TENM4: variants seen among roughly 807,000 people sequenced by gnomAD.
The protein encoded by TENM4 is teneurin-4.
A neutral mutation model predicts 243.3 loss-of-function variants in TENM4; 82 were observed. The ratio of observed to expected loss-of-function variants is 0.34; its 90% CI spans 0.28 to 0.40. The LOEUF is 0.40. TENM4 is among the 10% of genes least tolerant of loss of function. The pLI is 1.00. For missense variants in TENM4, 3,138 were observed against 3,673.3 expected, an observed-to-expected ratio of 0.85 and a Z score of 3.77; for synonymous variants, 1,412 against 1,456.3, an observed-to-expected ratio of 0.97 and a Z score of 0.69.
At chr11:78,975,683 A>G (rs2136598539) in intron 6 of TENM4, among the ~76,000 whole-genome samples, 1 of 152,012 alleles carries the variant, frequency 6.6e-6, no homozygotes, top group East Asian at 1.9e-4. Flanking sequence ...CCAGGCCTCA[A>G]GATGGAGTAA....
chr11:79,316,062 A>G (rs1324106027), intron 1 of TENM4, among the ~76,000 whole-genome samples: 2 of 152,204 alleles, frequency 1.3e-5, no homozygotes, highest in Non-Finnish European at 2.9e-5. Context: ...TAGGAATTGC[A>G]TTTTCAACAA....
intron 3 of TENM4, among the ~76,000 whole-genome samples, chr11:79,152,803 G>C (rs1411832392): frequency 6.6e-6 from 1 of 152,158 alleles, no homozygotes; most frequent in African/African-American, 2.4e-5. Context: ...CTCCCAAAAT[G>C]GTCAATGTTC....
chr11:79,315,679 C>G (rs1856791557), intron 1 of TENM4, among the ~76,000 whole-genome samples: 1 of 152,168 alleles, frequency 6.6e-6, no homozygotes, highest in African/African-American at 2.4e-5. Flanking sequence ...TTGTCAGCAT[C>G]CCAAGGTGAT....
intron 3 of TENM4, among the ~76,000 whole-genome samples, chr11:79,165,894 G>T (rs1033675659): frequency 2.6e-5 from 4 of 152,220 alleles, no homozygotes; most frequent in African/African-American, 7.2e-5. Flanking sequence ...GTTGAATAGG[G>T]TGTCCTTTCC....
Position 78,657,844 on chromosome 11 carries a change from A to G in TENM4, c.*214T>C, listed in dbSNP as rs1387066751. The G allele has an allele frequency of 8.9e-6, 6 of 676,046 alleles. No individual in the cohort carries two copies. The highest frequency in any genetic ancestry group is 1.8e-5 in the African/African-American group (1 of 55,356). 41.9% of individuals were successfully genotyped at this position (676,046 alleles called of 1,614,324 possible). A position where few individuals can be genotyped will look rare whatever the true frequency, so the allele number is the denominator to read the frequency against. ...AGTTTTCATTGTGATCACACTACAG[A>G]AAAAAATACCTTCTGTTCTTTGCAA... On this transcript the variant is annotated 3_prime_UTR_variant, in exon 34 of 34. Transcript: ENST00000278550.
At chr11:79,187,606 A>G (rs1477421525) in intron 3 of TENM4, among the ~76,000 whole-genome samples, 1 of 152,224 alleles carries the variant, frequency 6.6e-6, no homozygotes, top group Non-Finnish European at 1.5e-5. Flanking sequence ...TTATGAGATG[A>G]ATGGTGCCTC....
intron 17 of TENM4, among the ~76,000 whole-genome samples, chr11:78,775,479 G>A (rs1326763831): frequency 1.3e-5 from 2 of 152,204 alleles, no homozygotes; most frequent in East Asian, 3.9e-4. Context: ...TCTTCAAATG[G>A]ACCAAGTGAT....
intron 6 of TENM4, among the ~76,000 whole-genome samples, chr11:79,035,243 C>T (rs1204145064): frequency 1.3e-5 from 2 of 152,212 alleles, no homozygotes; most frequent in Non-Finnish European, 2.9e-5. Context: ...CCATGGTGCT[C>T]ATCTTGCAGA....
chr11:79,237,214 C>T lies in TENM4; in HGVS notation c.-264-21305G>A, dbSNP rs1030265958. On this transcript the variant is annotated intron_variant, in intron 2 of 33. Coordinates refer to ENST00000278550, the MANE Select transcript of TENM4 (RefSeq NM_001098816.3). ...TTTATGTCTTTATCTCCCCTATGCC[C>T]CAAACATACATTGCGCCTTAAAGAC... is the stretch of plus-strand genomic sequence containing the variant. 3.9e-5 allele frequency among the ~76,000 whole-genome samples: 6 copies of T among 152,154 alleles called. No individual in the cohort carries two copies. The East Asian group carries it at 1.2e-3, about 29-fold the overall frequency.
intron 6 of TENM4, among the ~76,000 whole-genome samples, chr11:78,997,329 A>G (rs747931502): frequency 1.3e-5 from 2 of 152,218 alleles, no homozygotes; most frequent in Non-Finnish European, 2.9e-5. Flanking sequence ...TCCAAAGTTT[A>G]CATATGTCCT....
At chr11:79,257,909 G>A (rs1855726370) in intron 2 of TENM4, among the ~76,000 whole-genome samples, 1 of 152,210 alleles carries the variant, frequency 6.6e-6, no homozygotes, top group Non-Finnish European at 1.5e-5. Context: ...CAAAAGACTT[G>A]TCACGTGAGA....
At chr11:79,008,701 T>C (rs1858557484) in intron 6 of TENM4, among the ~76,000 whole-genome samples, 1 of 152,186 alleles carries the variant, frequency 6.6e-6, no homozygotes, top group African/African-American at 2.4e-5. Flanking sequence ...TGATTATAAA[T>C]AATGACATCA....
intron 3 of TENM4, among the ~76,000 whole-genome samples, chr11:79,164,492 T>TAC (rs1862860017): frequency 1.4e-5 from 2 of 141,542 alleles, no homozygotes; most frequent in East Asian, 4.1e-4. Flanking sequence ...TGTATACATA[T>TAC]AGTGTATATA....
chr11:79,404,901 A>T (rs1858535593), intron 1 of TENM4, among the ~76,000 whole-genome samples: 2 of 152,158 alleles, frequency 1.3e-5, no homozygotes, highest in African/African-American at 4.8e-5. Context: ...AAAATAGTAG[A>T]CAAAGAGGAC....
intron 9 of TENM4, among the ~76,000 whole-genome samples, chr11:78,884,180 G>C (rs902457580): frequency 6.6e-6 from 1 of 152,200 alleles, no homozygotes; most frequent in African/African-American, 2.4e-5. Context: ...CTGAGGCAGA[G>C]AGAGGTTGTG....
At chr11:79,021,890 AT>A (rs1281536338) in intron 6 of TENM4, 1 of 152,244 alleles carries the variant, frequency 6.6e-6, no homozygotes, top group African/African-American at 2.4e-5. Context: ...TAAAGTACAA[AT>A]CACCTTCAGA....
intron 2 of TENM4, among the ~76,000 whole-genome samples, chr11:79,250,146 C>T (rs940565720): frequency 2.0e-5 from 3 of 152,066 alleles, no homozygotes; most frequent in African/African-American, 4.8e-5. Flanking sequence ...CCACCATGCC[C>T]GGCTGATTTT....
chr11:79,051,395 T>A (rs185277693), intron 6 of TENM4, among the ~76,000 whole-genome samples: 5 of 152,208 alleles, frequency 3.3e-5, no homozygotes, highest in African/African-American at 1.2e-4. Context: ...CTCCAGAGTA[T>A]GTGCTTATAA....
intron 29 of TENM4, 36 bp downstream of exon 29, chr11:78,688,017 CT>C: frequency 6.2e-7 from 1 of 1,607,030 alleles, no homozygotes; most frequent in Non-Finnish European, 8.5e-7. Context: ...CTTCCCACCC[CT>C]CTGCCTCAAA....
Sources: allele counts gnomAD v4.1 joint callset (sites outside exome capture counted in the v4.1 genomes callset), GRCh38; gene constraint gnomAD v4.1.1; transcripts MANE v1.5; gene names NCBI Gene and HGNC (gene_info 2026-07-23, HGNC 2026-07-21).